Variants in KHDRBS2 observed in about 807,000 individuals in gnomAD.
The protein encoded by KHDRBS2 is KH RNA binding domain containing, signal transduction associated 2.
KHDRBS2 carries 26 observed loss-of-function variants against 44.3 expected under a neutral mutation model. That is an observed-to-expected ratio of 0.59 (90% CI 0.43 to 0.81). KHDRBS2 has a LOEUF of 0.81. Ranked by LOEUF, KHDRBS2 falls within the 40% of genes least tolerant of loss-of-function variation. KHDRBS2 has a pLI of 0.00. For synonymous variants in KHDRBS2, 194 were observed against 151.1 expected (o/e 1.28, Z -2.08); for missense variants, 476 against 433.1 (o/e 1.10, Z -0.88).
intron 1 of KHDRBS2, among the ~76,000 whole-genome samples, chr6:62,207,590 T>A (rs942029489): frequency 1.4e-4 from 21 of 152,052 alleles, no homozygotes; most frequent in Non-Finnish European, 7.4e-5. Flanking sequence ...AAGATACACA[T>A]AATAAAACAA....
chr6:61,934,980 T>C lies in KHDRBS2; in HGVS notation c.484-33609A>G, dbSNP rs776578653. Among the ~76,000 whole-genome samples the C allele has an allele frequency of 7.9e-5, 12 of 152,346 alleles. No individual in the cohort carries two copies. The East Asian group carries it at 2.1e-3, about 27-fold the overall frequency. On this transcript the variant is annotated intron_variant, in intron 4 of 8. Transcript: ENST00000281156. ...ACTTTGTCTGTCTCTCACAATCAGT[T>C]TCTTCCATTCTCTCTCACAATTGCC...
chr6:62,241,167 G>C (rs1199449208), intron 1 of KHDRBS2, among the ~76,000 whole-genome samples: 1 of 152,078 alleles, frequency 6.6e-6, no homozygotes, highest in Non-Finnish European at 1.5e-5. Flanking sequence ...TCTGAAGAAA[G>C]CATGCAAAAG....
intron 5 of KHDRBS2, among the ~76,000 whole-genome samples, chr6:61,900,351 G>A (rs962431849): frequency 6.6e-6 from 1 of 152,032 alleles, no homozygotes; most frequent in Non-Finnish European, 1.5e-5. Context: ...CATATCTTAA[G>A]ATAATTTTAT....
intron 4 of KHDRBS2, among the ~76,000 whole-genome samples, chr6:61,903,879 A>G (rs59328200): frequency 0.01 from 1,573 of 152,246 alleles, 28 homozygotes; most frequent in African/African-American, 0.036. Context: ...CGAGCACCCA[A>G]ACATAACAGT....
At chr6:61,749,378 C>T (rs1234942155) in intron 6 of KHDRBS2, among the ~76,000 whole-genome samples, 2 of 152,098 alleles carry the variant, frequency 1.3e-5, no homozygotes, top group African/African-American at 2.4e-5. Context: ...CATAGAATAA[C>T]TAGTAAATAG....
intron 6 of KHDRBS2, among the ~76,000 whole-genome samples, chr6:61,880,702 T>C (rs190457917): frequency 1.3e-5 from 2 of 152,010 alleles, no homozygotes; most frequent in African/African-American, 2.4e-5. Context: ...CCCAGAAATA[T>C]CTCCTAAAAT....
chr6:62,111,374 A>G (rs1424123762), intron 2 of KHDRBS2, among the ~76,000 whole-genome samples: 2 of 152,068 alleles, frequency 1.3e-5, no homozygotes, highest in Non-Finnish European at 2.9e-5. Context: ...CATTCACTCA[A>G]CAAGTATTTT....
At chr6:61,557,946 T>G in the KHDRBS2 span, among the ~76,000 whole-genome samples, 2 of 152,182 alleles carry the variant, frequency 1.3e-5, no homozygotes, top group African/African-American at 2.4e-5. Flanking sequence ...CCAAGTAATC[T>G]CTAATGATCC....
intron 1 of KHDRBS2, among the ~76,000 whole-genome samples, chr6:62,254,030 A>G (rs1250962223): frequency 6.6e-6 from 1 of 152,026 alleles, no homozygotes; most frequent in African/African-American, 2.4e-5. Context: ...CCACAACATC[A>G]CTGTTGACAG....
chr6:61,590,120 TG>T, the KHDRBS2 span, among the ~76,000 whole-genome samples: 1 of 152,128 alleles, frequency 6.6e-6, no homozygotes, highest in Non-Finnish European at 1.5e-5. Flanking sequence ...TATGTGTTTT[TG>T]CCCATTTTTT....
intron 6 of KHDRBS2, among the ~76,000 whole-genome samples, chr6:61,780,958 T>C (rs1782840369): frequency 1.3e-5 from 2 of 152,180 alleles, no homozygotes; most frequent in South Asian, 2.1e-4. Flanking sequence ...TCTTTCCTTA[T>C]ATATCAGTTT....
intron 3 of KHDRBS2, among the ~76,000 whole-genome samples, chr6:62,047,008 A>G (rs1787850489): frequency 6.6e-6 from 1 of 151,922 alleles, no homozygotes; most frequent in Admixed American, 6.6e-5. Context: ...TTCACACTAT[A>G]AATTTCCTCA....
At chr6:61,827,007 A>C (rs745731509) in intron 6 of KHDRBS2, among the ~76,000 whole-genome samples, 53 of 152,214 alleles carry the variant, frequency 3.5e-4, no homozygotes, top group Non-Finnish European at 6.8e-4. Context: ...GAGACTATAT[A>C]AAATTATATC....
intron 1 of KHDRBS2, among the ~76,000 whole-genome samples, chr6:62,199,828 C>T (rs2150137250): frequency 6.6e-6 from 1 of 152,270 alleles, no homozygotes; most frequent in East Asian, 1.9e-4. Flanking sequence ...TACCTGACTT[C>T]AAACTATACT....
chr6:61,893,380 C>G (rs1802339922), intron 6 of KHDRBS2, among the ~76,000 whole-genome samples: 1 of 152,098 alleles, frequency 6.6e-6, no homozygotes, highest in Non-Finnish European at 1.5e-5. Flanking sequence ...ACCATTTGAC[C>G]CAGCCATCCC....
chr6:62,058,552 C>G (rs1790849052), intron 2 of KHDRBS2, among the ~76,000 whole-genome samples: 2 of 151,742 alleles, frequency 1.3e-5, no homozygotes, highest in African/African-American at 2.4e-5. Flanking sequence ...GCAGATTGCA[C>G]TAAGTGGGAC....
intron 2 of KHDRBS2, among the ~76,000 whole-genome samples, chr6:62,055,988 G>A (rs189965427): frequency 1.2e-4 from 18 of 152,066 alleles, no homozygotes; most frequent in African/African-American, 4.3e-4. Flanking sequence ...ATCATGACAG[G>A]CTTCATAGAA....
the KHDRBS2 span, among the ~76,000 whole-genome samples, chr6:61,564,564 A>G: frequency 2.0e-5 from 3 of 152,060 alleles, no homozygotes; most frequent in African/African-American, 7.2e-5. Flanking sequence ...TATCTTCCAA[A>G]GCATAAATGT....
intron 2 of KHDRBS2, among the ~76,000 whole-genome samples, chr6:62,114,772 A>G (rs909304379): frequency 6.6e-6 from 1 of 152,124 alleles, no homozygotes; most frequent in Non-Finnish European, 1.5e-5. Flanking sequence ...TTGGCTCCAG[A>G]GTCTGAACCC....
Sources: allele counts gnomAD v4.1 joint callset (sites outside exome capture counted in the v4.1 genomes callset), GRCh38; gene constraint gnomAD v4.1.1; transcripts MANE v1.5; gene names NCBI Gene and HGNC (gene_info 2026-07-23, HGNC 2026-07-21).